Variants in MAGI2 observed in about 807,000 individuals in gnomAD.
MAGI2 encodes the protein membrane-associated guanylate kinase, WW and PDZ domain-containing protein 2.
MAGI2 carries 35 observed loss-of-function variants against 133.3 expected under a neutral mutation model. That is an observed-to-expected ratio of 0.26 (90% CI 0.20 to 0.35). The LOEUF (loss-of-function observed/expected upper bound fraction) is 0.35. MAGI2 is among the 10% of genes least tolerant of loss of function. The pLI, the probability that MAGI2 is intolerant of heterozygous loss-of-function variation, is 1.00. For synonymous variants in MAGI2, 729 were observed against 710.6 expected (o/e 1.03, Z -0.41); for missense variants, 1,636 against 1,863.4 (o/e 0.88, Z 2.25).
At chr7:78,228,324 C>A (rs540634030) in intron 10 of MAGI2, among the ~76,000 whole-genome samples, 1 of 152,070 alleles carries the variant, frequency 6.6e-6, no homozygotes, top group Admixed American at 6.5e-5. Context: ...CTTAGGGTTA[C>A]GAGTTTATAG....
At chr7:78,431,093 TG>T (rs1799749391) in intron 6 of MAGI2, among the ~76,000 whole-genome samples, 1 of 152,010 alleles carries the variant, frequency 6.6e-6, no homozygotes, top group African/African-American at 2.4e-5. Context: ...TGTGTGTGTG[TG>T]TGTGTGTGTG....
At chr7:79,221,698 T>C (rs1830458927) in intron 1 of MAGI2, among the ~76,000 whole-genome samples, 1 of 151,990 alleles carries the variant, frequency 6.6e-6, no homozygotes, top group African/African-American at 2.4e-5. Context: ...TTTCAATGTG[T>C]CATTGAAAAG....
intron 9 of MAGI2, among the ~76,000 whole-genome samples, chr7:78,303,223 C>A (rs1222569030): frequency 6.6e-6 from 1 of 151,758 alleles, no homozygotes; most frequent in Non-Finnish European, 1.5e-5. Flanking sequence ...ACTAAAAATA[C>A]AGTAAATCAG....
intron 6 of MAGI2, among the ~76,000 whole-genome samples, chr7:78,446,102 T>A (rs76887097): frequency 2.1e-5 from 3 of 144,136 alleles, no homozygotes; most frequent in African/African-American, 7.5e-5. Flanking sequence ...GATTTTTTTT[T>A]AAAGAAATTA....
Position 78,066,194 on chromosome 7 carries a change from G to C in MAGI2, c.3706+12753C>G, listed in dbSNP as rs934525521. ...TCAAAATTCATGGTCAGGCACGGTG[G>C]CTCATGCCTGTAATCCTAGCACTCT... On this transcript the variant is annotated intron_variant, in intron 21 of 21. Coordinates refer to ENST00000354212, the MANE Select transcript of MAGI2 (RefSeq NM_012301.4). Among the ~76,000 whole-genome samples, 5 of 152,144 alleles carry C rather than the reference G, an allele frequency of 3.3e-5. No homozygotes were observed. The East Asian group carries it at 9.6e-4, about 29-fold the overall frequency.
intron 12 of MAGI2, among the ~76,000 whole-genome samples, chr7:78,185,916 C>A (rs944606175): frequency 3.9e-5 from 6 of 151,942 alleles, no homozygotes; most frequent in Non-Finnish European, 8.8e-5. Context: ...CTTTTTAGAT[C>A]AGGGTGGAAT....
chr7:78,369,616 ACAG>A (rs1214016020), intron 6 of MAGI2, among the ~76,000 whole-genome samples: 1 of 152,126 alleles, frequency 6.6e-6, no homozygotes, highest in Non-Finnish European at 1.5e-5. Flanking sequence ...ATTTCTGAGA[ACAG>A]CAAATTGTTT....
At chr7:79,391,731 C>A (rs1844668188) in intron 1 of MAGI2, among the ~76,000 whole-genome samples, 1 of 151,624 alleles carries the variant, frequency 6.6e-6, no homozygotes, top group African/African-American at 2.4e-5. Flanking sequence ...GCTCTGTCAC[C>A]CAGGCTGGAG....
chr7:78,590,081 A>G (rs1301349230), intron 3 of MAGI2, among the ~76,000 whole-genome samples: 2 of 152,242 alleles, frequency 1.3e-5, no homozygotes, highest in Non-Finnish European at 2.9e-5. Context: ...GAGAGAAGAC[A>G]AAGTTGAAAT....
At chr7:78,041,507 C>T (rs1810843321) in intron 21 of MAGI2, among the ~76,000 whole-genome samples, 1 of 152,084 alleles carries the variant, frequency 6.6e-6, no homozygotes, top group South Asian at 2.1e-4. Flanking sequence ...AAGATTCTGA[C>T]TCTACAAAAG....
chr7:78,536,759 GTT>G (rs55740303), intron 3 of MAGI2, among the ~76,000 whole-genome samples: 59,492 of 121,948 alleles, frequency 0.49, 12,773 homozygotes, highest in African/African-American at 0.64. Context: ...TTTTGTTGTT[GTT>G]TTTTTTTTTT....
At chr7:79,134,185 G>C (rs1585009630) in intron 1 of MAGI2, among the ~76,000 whole-genome samples, 1 of 152,034 alleles carries the variant, frequency 6.6e-6, no homozygotes, top group South Asian at 2.1e-4. Flanking sequence ...GGGTCCTCTA[G>C]GTACCTACTT....
Position 79,243,600 on chromosome 7 carries a change from T to TC in MAGI2, c.301+209419dup, listed in dbSNP as rs1279814094. ...AAATGCTGGAAAAAAGAATTTTAAA[T>TC]CTGAGAGAATGGATTTCTTACTTTG... is the stretch of plus-strand genomic sequence containing the variant. On this transcript the variant is annotated intron_variant, in intron 1 of 21. Transcript: ENST00000354212. Among the ~76,000 whole-genome samples the TC allele has an allele frequency of 4.1e-4, 63 of 152,280 alleles. 1 individual carries two copies. The highest frequency in any genetic ancestry group is 1.4e-3 in the African/African-American group (58 of 41,578).
chr7:78,990,711 T>C (rs1805674768), intron 2 of MAGI2, among the ~76,000 whole-genome samples: 1 of 152,088 alleles, frequency 6.6e-6, no homozygotes, highest in South Asian at 2.1e-4. Flanking sequence ...GGTACATTGA[T>C]ATGAGATAAA....
intron 2 of MAGI2, among the ~76,000 whole-genome samples, chr7:78,661,767 T>C (rs1812984591): frequency 6.6e-6 from 1 of 152,186 alleles, no homozygotes; most frequent in South Asian, 2.1e-4. Context: ...TCCAACTGCT[T>C]GATCACCTGC....
intron 2 of MAGI2, among the ~76,000 whole-genome samples, chr7:78,909,175 A>T (rs1170372083): frequency 3.3e-5 from 5 of 151,942 alleles, no homozygotes; most frequent in Non-Finnish European, 7.4e-5. Flanking sequence ...ACACTTCTCA[A>T]AAGAAGACAT....
At chr7:79,159,032 AG>A (rs1031386598) in intron 1 of MAGI2, among the ~76,000 whole-genome samples, 2 of 152,100 alleles carry the variant, frequency 1.3e-5, no homozygotes, top group Non-Finnish European at 2.9e-5. Context: ...ACAAGTTAAA[AG>A]GAACCAGGAA....
At chr7:78,136,124 T>C (rs1051550912) in intron 16 of MAGI2, among the ~76,000 whole-genome samples, 40 of 151,674 alleles carry the variant, frequency 2.6e-4, no homozygotes, top group Admixed American at 9.2e-4. Context: ...TTCTTCTTTT[T>C]TTTTTTTTTG....
chr7:78,564,965 T>C (rs899851797), intron 3 of MAGI2, among the ~76,000 whole-genome samples: 11 of 151,520 alleles, frequency 7.3e-5, no homozygotes, highest in African/African-American at 2.2e-4. Context: ...AGCTAATTTT[T>C]TGTGTTTTTA....
Sources: allele counts gnomAD v4.1 joint callset (sites outside exome capture counted in the v4.1 genomes callset), GRCh38; gene constraint gnomAD v4.1.1; transcripts MANE v1.5; gene names NCBI Gene and HGNC (gene_info 2026-07-23, HGNC 2026-07-21).